Variants in EYS observed in about 807,000 individuals in gnomAD.
The protein encoded by EYS is protein eyes shut homolog.
EYS carries 250 observed loss-of-function variants against 282.1 expected under a neutral mutation model. That is an observed-to-expected ratio of 0.89 (90% CI 0.80 to 0.98). The LOEUF is 0.98. EYS is among the 50% of genes least tolerant of loss of function. The probability of loss-of-function intolerance (pLI) is 0.00; values close to 1 mark genes in which losing one functional copy is unlikely to be tolerated. For synonymous variants in EYS, 1,355 were observed against 1,282.9 expected (o/e 1.06, Z -1.20); for missense variants, 4,016 against 3,709.0 (o/e 1.08, Z -2.15).
intron 12 of EYS, among the ~76,000 whole-genome samples, chr6:65,078,904 C>G (rs1774140016): frequency 6.6e-6 from 1 of 151,458 alleles, no homozygotes; most frequent in African/African-American, 2.4e-5. Flanking sequence ...ACCTCCCCTC[C>G]CACTCCCTCT....
chr6:65,137,386 A>G (rs1776051261), intron 12 of EYS, among the ~76,000 whole-genome samples: 1 of 152,116 alleles, frequency 6.6e-6, no homozygotes, highest in Non-Finnish European at 1.5e-5. Flanking sequence ...AAATGAGACC[A>G]TTTGAGGTCA....
At chr6:64,988,996 T>C (rs1187757479) in intron 14 of EYS, among the ~76,000 whole-genome samples, 2 of 151,446 alleles carry the variant, frequency 1.3e-5, no homozygotes, top group East Asian at 1.9e-4. Flanking sequence ...AGTTAAATCA[T>C]TATAATCATA....
intron 33 of EYS, among the ~76,000 whole-genome samples, chr6:64,002,911 T>A (rs919033402): frequency 3.3e-5 from 5 of 152,350 alleles, no homozygotes; most frequent in South Asian, 4.1e-4. Flanking sequence ...ATATGTTTTT[T>A]AATCTTATCT....
rs554569653 is a variant in EYS, at chr6:63,736,390, T to C, written c.8072-9710A>G. The stretch of plus-strand genomic sequence containing the variant: ...TTTCTCAGGTTTGTCAAAGATCAGA[T>C]AGTTGTAGATATGTGGCATTATTTC... On this transcript the variant is annotated intron_variant, in intron 41 of 42. Transcript: ENST00000503581. Among the ~76,000 whole-genome samples, 31 of 152,226 alleles carry C rather than the reference T, an allele frequency of 2.0e-4. No homozygotes were observed. In the South Asian group the frequency reaches 5.4e-3, roughly 27 times the overall value.
At chr6:65,314,230 A>C (rs1193409109) in intron 11 of EYS, among the ~76,000 whole-genome samples, 9 of 144,072 alleles carry the variant, frequency 6.2e-5, no homozygotes, top group East Asian at 6.1e-4. Context: ...TAAAATCGAA[A>C]CCCCCCCTCC....
chr6:64,543,050 A>G (rs57080069), intron 26 of EYS, among the ~76,000 whole-genome samples: 4,483 of 152,232 alleles, frequency 0.029, 199 homozygotes, highest in African/African-American at 0.1. Flanking sequence ...TATAATTTCC[A>G]TGGTTGAGTA....
At chr6:64,928,762 C>G (rs1396969151) in intron 15 of EYS, among the ~76,000 whole-genome samples, 1 of 151,844 alleles carries the variant, frequency 6.6e-6, no homozygotes, top group Non-Finnish European at 1.5e-5. Context: ...TAAGGCAACA[C>G]TTTTAATCTG....
chr6:64,198,316 T>A (rs1765360098), intron 31 of EYS, among the ~76,000 whole-genome samples: 1 of 152,018 alleles, frequency 6.6e-6, no homozygotes, highest in South Asian at 2.1e-4. Flanking sequence ...CTATAATTTT[T>A]TTATTATTAT....
At chr6:64,539,500 G>A (rs534484648) in intron 26 of EYS, among the ~76,000 whole-genome samples, 21 of 152,232 alleles carry the variant, frequency 1.4e-4, no homozygotes, top group African/African-American at 4.6e-4. Context: ...GCCTGAGCCC[G>A]GGAGATTGAG....
At chr6:65,593,467 G>T (rs1276927782) in intron 2 of EYS, among the ~76,000 whole-genome samples, 1 of 151,908 alleles carries the variant, frequency 6.6e-6, no homozygotes, top group Admixed American at 6.6e-5. Context: ...CTACATATTA[G>T]AATCACCTTG....
At chr6:64,029,135 CA>C (rs1271207268) in intron 33 of EYS, among the ~76,000 whole-genome samples, 2 of 152,186 alleles carry the variant, frequency 1.3e-5, no homozygotes, top group Non-Finnish European at 1.5e-5. Flanking sequence ...AAACAGCCTT[CA>C]AAACCTTAAG....
chr6:65,570,893 T>C (rs1764453609), intron 2 of EYS, among the ~76,000 whole-genome samples: 1 of 152,132 alleles, frequency 6.6e-6, no homozygotes, highest in Non-Finnish European at 1.5e-5. Flanking sequence ...TCAATGTATT[T>C]TTTACTTGCT....
chr6:64,025,809 C>T (rs914520842), intron 33 of EYS, among the ~76,000 whole-genome samples: 13 of 152,180 alleles, frequency 8.5e-5, no homozygotes, highest in Non-Finnish European at 1.5e-4. Context: ...CCCTTCCCTC[C>T]CTCAGGGTAT....
chr6:65,251,105 G>C lies in EYS; in HGVS notation c.2023+44758C>G, dbSNP rs929525634. On this transcript the variant is annotated intron_variant, in intron 12 of 42. Coordinates refer to ENST00000503581, the MANE Select transcript of EYS (RefSeq NM_001142800.2). ...TATCTAAACAAGCAAAAATTTGTATGAATAGACAAATGTACACTTTTATAG... is the reference window on the plus strand; with the variant it reads ...TATCTAAACAAGCAAAAATTTGTATCAATAGACAAATGTACACTTTTATAG... 2.7e-5 allele frequency among the ~76,000 whole-genome samples: 4 copies of C among 148,974 alleles called. No homozygotes were observed. In the Admixed American group the frequency reaches 2.7e-4, roughly 10 times the overall value.
intron 36 of EYS, among the ~76,000 whole-genome samples, chr6:63,823,431 GT>G: frequency 6.6e-6 from 1 of 152,214 alleles, no homozygotes; most frequent in South Asian, 2.1e-4. Flanking sequence ...AATTAAAAAT[GT>G]TTTTTCATTT....
At chr6:64,357,058 C>G (rs1161879843) in intron 29 of EYS, among the ~76,000 whole-genome samples, 1 of 151,582 alleles carries the variant, frequency 6.6e-6, no homozygotes, top group African/African-American at 2.4e-5. Flanking sequence ...TTTCTGCAGA[C>G]AGAGTCAATT....
chr6:64,040,184 G>A (rs1044661013), intron 33 of EYS, among the ~76,000 whole-genome samples: 6 of 152,142 alleles, frequency 3.9e-5, no homozygotes, highest in Admixed American at 3.3e-4. Context: ...TAAATTGAGA[G>A]TTTGAAGCTA....
At chr6:64,657,703 A>G (rs993771142) in intron 22 of EYS, among the ~76,000 whole-genome samples, 1 of 152,172 alleles carries the variant, frequency 6.6e-6, no homozygotes, top group Non-Finnish European at 1.5e-5. Flanking sequence ...TCTGGCTTGT[A>G]GAGTTTCTGC....
At chr6:64,327,908 C>A (rs2150388585) in intron 29 of EYS, among the ~76,000 whole-genome samples, 1 of 152,234 alleles carries the variant, frequency 6.6e-6, no homozygotes, top group South Asian at 2.1e-4. Flanking sequence ...AGAGAGGAGC[C>A]AGAGCCCTTG....
Sources: gnomAD v4.1 joint callset for allele counts (sites outside exome capture counted in the v4.1 genomes callset) on GRCh38, gnomAD v4.1.1 for gene constraint, MANE v1.5 for transcripts, NCBI Gene and HGNC (gene_info 2026-07-23, HGNC 2026-07-21) for gene names.